The following MTCL1 variants were observed in gnomAD, a reference collection of about 807,000 sequenced individuals.
The protein encoded by MTCL1 is microtubule cross-linking factor 1.
In MTCL1, 79 loss-of-function variants were observed where a neutral mutation model predicts 141.4. The ratio of observed to expected loss-of-function variants is 0.56; its 90% confidence interval spans 0.47 to 0.67. The LOEUF is 0.67. MTCL1 is among the 30% of genes least tolerant of loss of function. The pLI, the probability that MTCL1 is intolerant of heterozygous loss-of-function variation, is 0.00. For synonymous variants in MTCL1, 914 were observed against 875.8 expected (o/e 1.04, Z -0.77); for missense variants, 2,177 against 2,113.9 (o/e 1.03, Z -0.59).
intron 8 of MTCL1, among the ~76,000 whole-genome samples, chr18:8,795,082 T>C (rs2075869286): frequency 6.6e-6 from 1 of 152,238 alleles, no homozygotes; most frequent in Admixed American, 6.5e-5. Context: ...TAAAATCACC[T>C]GTTTTCTGTT....
intron 11 of MTCL1, among the ~76,000 whole-genome samples, chr18:8,809,035 CAA>C (rs57075403): frequency 7.6e-6 from 1 of 132,228 alleles, no homozygotes. Flanking sequence ...AAGTTTCAGG[CAA>C]AAAAAAAAAA....
exon 8 of MTCL1, chr18:8,793,086 A>G (rs756693713): frequency 1.2e-6 from 2 of 1,614,164 alleles, no homozygotes; most frequent in South Asian, 2.2e-5. Context: ...CTGCATCAAG[A>G]GGAGACAGAG....
upstream of MTCL1, among the ~76,000 whole-genome samples, chr18:8,713,060 G>A (rs1241365444): frequency 6.6e-6 from 1 of 152,032 alleles, no homozygotes; most frequent in African/African-American, 2.4e-5. Flanking sequence ...CCTTTTAGAG[G>A]TTTTCATTAA....
rs918561448 is a variant in MTCL1, at chr18:8,732,638, G to A, written c.357+12142G>A. On this transcript the variant is annotated intron_variant, in intron 4 of 16. Transcript: ENST00000359865. ...AAATCATTCGCATTGAAAAGACGCCGAGTCACCCATACATAGTTACACAGC... is the reference window on the plus strand; with the variant it reads ...AAATCATTCGCATTGAAAAGACGCCAAGTCACCCATACATAGTTACACAGC... Among the ~76,000 whole-genome samples, 9 of 152,224 alleles carry A rather than the reference G, an allele frequency of 5.9e-5. No homozygotes were observed. In the East Asian group the frequency reaches 7.7e-4, roughly 13 times the overall value.
At chr18:8,771,440 A>T (rs1700257958) in intron 4 of MTCL1, among the ~76,000 whole-genome samples, 3 of 152,238 alleles carry the variant, frequency 2.0e-5, no homozygotes, top group African/African-American at 7.2e-5. Context: ...AATCTGTAAG[A>T]ATTCTGAAAA....
chr18:8,740,136 G>T (rs1340180538), intron 4 of MTCL1, among the ~76,000 whole-genome samples: 1 of 152,218 alleles, frequency 6.6e-6, no homozygotes, highest in African/African-American at 2.4e-5. Flanking sequence ...GTCTCCTGCA[G>T]CCCATCCTGC....
intron 15 of MTCL1, among the ~76,000 whole-genome samples, chr18:8,827,858 C>T (rs773263341): frequency 6.6e-6 from 1 of 152,158 alleles, no homozygotes; most frequent in Non-Finnish European, 1.5e-5. Flanking sequence ...GGCATGAAAA[C>T]GGTTTTATCA....
rs1049933854 is a variant in MTCL1, at chr18:8,810,494, C to T, written c.2605-2485C>T. Among the ~76,000 whole-genome samples the T allele has an allele frequency of 6.6e-6, 1 of 152,042 alleles. No individual in the cohort carries two copies. Among genetic ancestry groups the T allele is most frequent in the African/African-American group, 2.4e-5 (1 of 41,374 alleles). ...GTGTCCCTTCACTGTCTTCACAAAG[C>T]GGGTGAGCAGAAGTGATGTGGGGCC... On this transcript the variant is annotated intron_variant, in intron 11 of 16. Transcript: ENST00000359865. This position sits in a 1 kb window ranked among gnomAD's most constrained non-coding sequence, Gnocchi z 5.0.
intron 7 of MTCL1, among the ~76,000 whole-genome samples, chr18:8,792,401 A>G (rs909728722): frequency 6.6e-6 from 1 of 152,228 alleles, no homozygotes; most frequent in African/African-American, 2.4e-5. Context: ...CCTGTAGACA[A>G]CATGTGCCGT....
intron 4 of MTCL1, among the ~76,000 whole-genome samples, chr18:8,747,792 G>C (rs111614718): frequency 6.6e-6 from 1 of 152,202 alleles, no homozygotes; most frequent in Non-Finnish European, 1.5e-5. Context: ...CCTGCCCTGC[G>C]AGGACAGGAT....
intron 13 of MTCL1, among the ~76,000 whole-genome samples, chr18:8,820,951 T>G (rs1391687279): frequency 6.6e-6 from 1 of 152,204 alleles, no homozygotes; most frequent in African/African-American, 2.4e-5. Flanking sequence ...TTGCCTCTGA[T>G]TCTAAATGGG....
At chr18:8,760,306 G>T (rs1305713464) in intron 4 of MTCL1, among the ~76,000 whole-genome samples, 1 of 152,210 alleles carries the variant, frequency 6.6e-6, no homozygotes, top group Non-Finnish European at 1.5e-5. Flanking sequence ...TTCTGAGCCT[G>T]TTCCCTCACA....
At chr18:8,791,015 A>G (rs1226479743) in intron 7 of MTCL1, among the ~76,000 whole-genome samples, 1 of 152,018 alleles carries the variant, frequency 6.6e-6, no homozygotes, top group Non-Finnish European at 1.5e-5. Context: ...ACCCTGTCTC[A>G]AAAAACAAGC....
intron 4 of MTCL1, among the ~76,000 whole-genome samples, chr18:8,726,074 A>C (rs2096208705): frequency 6.6e-6 from 1 of 151,506 alleles, no homozygotes; most frequent in African/African-American, 2.4e-5. Flanking sequence ...TACAGGCGTG[A>C]GCCACCGCGC....
At chr18:8,793,208 C>G (rs1202495740) in intron 8 of MTCL1, 88 bp downstream of exon 7, 7 of 1,557,208 alleles carry the variant, frequency 4.5e-6, no homozygotes, top group Non-Finnish European at 6.1e-6. Context: ...TCAAAGAAGG[C>G]TGTCTGTTGC....
upstream of MTCL1, chr18:8,705,609 C>CCGCCGTCGT (rs1387679120): frequency 2.5e-6 from 3 of 1,191,188 alleles, no homozygotes; most frequent in African/African-American, 4.9e-5. The surrounding 1 kb of genome is among the most constrained non-coding windows in gnomAD (Gnocchi z 5.2). Context: ...GCCGCCGCCG[C>CCGCCGTCGT]CGTCGTCGTC....
At chr18:8,765,856 C>T (rs1363001326) in intron 4 of MTCL1, among the ~76,000 whole-genome samples, 1 of 152,196 alleles carries the variant, frequency 6.6e-6, no homozygotes, top group Admixed American at 6.5e-5. Context: ...AAGAAGGAAG[C>T]AGGCAGAGCT....
intron 4 of MTCL1, among the ~76,000 whole-genome samples, chr18:8,757,623 T>C (rs773397954): frequency 2.6e-5 from 4 of 152,166 alleles, no homozygotes; most frequent in South Asian, 2.1e-4. Flanking sequence ...AAGGGGCGTG[T>C]GTGCAAGGGC....
rs555299613 is a variant in MTCL1, at chr18:8,709,038, TC to T, written c.1053+2326del. ...GGATCCTAATGGACTTTTCTACAGG[TC>T]GTGGAGCCTGCCCACATGTGCAAAA... On this transcript the variant is annotated intron_variant, in intron 1 of 13. Transcript: ENST00000306329. Among the ~76,000 whole-genome samples, 443 of 152,292 alleles carry T rather than the reference TC, an allele frequency of 2.9e-3. 2 individuals carry two copies. The highest frequency in any genetic ancestry group is 0.01 in the African/African-American group (427 of 41,564).
Sources: allele counts gnomAD v4.1 joint callset (sites outside exome capture counted in the v4.1 genomes callset), GRCh38; gene constraint gnomAD v4.1.1; non-coding constraint Gnocchi (gnomAD v3.1); transcripts MANE v1.5; gene names NCBI Gene and HGNC (gene_info 2026-07-23, HGNC 2026-07-21).